Variants in MAP2K5 observed in about 807,000 individuals in gnomAD.
MAP2K5 encodes mitogen-activated protein kinase kinase 5.
Under a neutral mutation model 83.1 loss-of-function variants are expected in MAP2K5, and 49 were observed. The observed-to-expected ratio is 0.59, with a 90% CI of 0.47 to 0.75. MAP2K5 has a LOEUF of 0.75. Ranked by LOEUF, MAP2K5 falls within the 30% of genes least tolerant of loss-of-function variation. The pLI is 0.00. For synonymous variants in MAP2K5, 202 were observed against 191.8 expected (o/e 1.05, Z -0.44); for missense variants, 457 against 557.5 (o/e 0.82, Z 1.82).
intron 19 of MAP2K5, among the ~76,000 whole-genome samples, chr15:67,752,651 C>A (rs2089746355): frequency 6.7e-6 from 1 of 149,470 alleles, no homozygotes; most frequent in Non-Finnish European, 1.5e-5. Flanking sequence ...GCACTCCAGC[C>A]TGGGTGACAG....
intron 2 of MAP2K5, among the ~76,000 whole-genome samples, chr15:67,551,591 C>G (rs2084512054): frequency 6.6e-6 from 1 of 152,056 alleles, no homozygotes; most frequent in Non-Finnish European, 1.5e-5. Context: ...CCTTGACCTC[C>G]CTAAGTGTTG....
At chr15:67,803,801 G>A (rs185258856) in intron 21 of MAP2K5, among the ~76,000 whole-genome samples, 6 of 152,292 alleles carry the variant, frequency 3.9e-5, no homozygotes, top group African/African-American at 7.2e-5. Context: ...GGCCTGAGTC[G>A]CCAAGGTAGA....
chr15:67,789,904 T>C (rs1458520289), intron 21 of MAP2K5, among the ~76,000 whole-genome samples: 1 of 151,994 alleles, frequency 6.6e-6, no homozygotes, highest in African/African-American at 2.4e-5. Flanking sequence ...GTGAAGGGGG[T>C]GGACACAATT....
chr15:67,622,024 A>G (rs1255957353), intron 8 of MAP2K5, among the ~76,000 whole-genome samples: 1 of 152,048 alleles, frequency 6.6e-6, no homozygotes, highest in African/African-American at 2.4e-5. Context: ...CCTCTACTAA[A>G]AATACAAAAA....
intron 13 of MAP2K5, among the ~76,000 whole-genome samples, chr15:67,673,341 C>T (rs1368349882): frequency 6.6e-6 from 1 of 151,882 alleles, no homozygotes; most frequent in Non-Finnish European, 1.5e-5. Context: ...GGTAACAGTT[C>T]AAAATAGTGT....
At chr15:67,654,100 T>A (rs567996792) in intron 11 of MAP2K5, among the ~76,000 whole-genome samples, 9 of 152,294 alleles carry the variant, frequency 5.9e-5, no homozygotes, top group African/African-American at 2.2e-4. Flanking sequence ...CTGTATAGTT[T>A]TGTCCATTTT....
At chr15:67,631,486 C>T (rs67264405) in intron 9 of MAP2K5, among the ~76,000 whole-genome samples, 24,513 of 152,050 alleles carry the variant, frequency 0.16, 2,052 homozygotes, top group African/African-American at 0.19. Context: ...CAGATCTGAC[C>T]GTGTCTTGCT....
intron 8 of MAP2K5, among the ~76,000 whole-genome samples, chr15:67,616,788 C>T (rs558777606): frequency 1.3e-5 from 2 of 152,216 alleles, no homozygotes; most frequent in South Asian, 4.1e-4. Context: ...ATTTCTTGAG[C>T]CAAATCCTAA....
At chr15:67,564,095 A>G (rs1051338713) in intron 3 of MAP2K5, among the ~76,000 whole-genome samples, 1 of 152,054 alleles carries the variant, frequency 6.6e-6, no homozygotes, top group Non-Finnish European at 1.5e-5. Flanking sequence ...TGTTTACAAA[A>G]CCTTTTCCCG....
intron 12 of MAP2K5, among the ~76,000 whole-genome samples, 195 bp from the exon 13 acceptor site, chr15:67,664,402 G>C (rs1201043468): frequency 6.7e-6 from 1 of 150,102 alleles, no homozygotes; most frequent in East Asian, 2.0e-4. Flanking sequence ...TCAGGCAGCT[G>C]AGGTGGAAGG....
chr15:67,748,180 A>T lies in MAP2K5; in HGVS notation c.1075-51A>T, dbSNP rs1223402438. On this transcript the variant is annotated intron_variant, in intron 17 of 21. Coordinates refer to ENST00000178640, the MANE Select transcript of MAP2K5 (RefSeq NM_145160.3). The surrounding 1 kb of genome is among the most constrained non-coding windows in gnomAD (Gnocchi z 4.0). Reference sequence around the variant, plus strand: ...TTCTCTCAGTGATCATAATGTGTCCAAGTGAGTCATTTTGATTATGACATG... The same window carrying T: ...TTCTCTCAGTGATCATAATGTGTCCTAGTGAGTCATTTTGATTATGACATG... 1 of 1,364,442 alleles carries T rather than the reference A, an allele frequency of 7.3e-7. No homozygotes were observed. 84.5% of individuals were successfully genotyped at this position (1,364,442 alleles called of 1,614,324 possible).
rs1277250465 is a variant in MAP2K5 at position 67,720,602 on chromosome 15, T to C, written c.1045-7314T>C. On this transcript the variant is annotated intron_variant, in intron 16 of 21. Coordinates refer to ENST00000178640, the MANE Select transcript of MAP2K5 (RefSeq NM_145160.3). This position sits in a 1 kb window ranked among gnomAD's most constrained non-coding sequence, Gnocchi z 5.7. ...GTAGCAGGAGAATTAGACGTAAAGG[T>C]ACTAATGCCTGAGGGGTGGGTCATG... Among the ~76,000 whole-genome samples the C allele has an allele frequency of 2.6e-5, 4 of 152,146 alleles. No individual in the cohort carries two copies. The highest frequency in any genetic ancestry group is 9.7e-5 in the African/African-American group (4 of 41,414).
chr15:67,575,689 TG>T (rs1281985915), intron 3 of MAP2K5, among the ~76,000 whole-genome samples: 9 of 152,180 alleles, frequency 5.9e-5, no homozygotes, highest in Non-Finnish European at 1.3e-4. Flanking sequence ...GTAATTTTTT[TG>T]TTTGTTTGTT....
chr15:67,554,874 C>T (rs572026418), intron 2 of MAP2K5, among the ~76,000 whole-genome samples: 19 of 152,200 alleles, frequency 1.2e-4, no homozygotes, highest in Non-Finnish European at 1.9e-4. Flanking sequence ...GAGTAATTTG[C>T]GTTTTTGGAT....
chr15:67,544,302 C>T (rs2583589), intron 1 of MAP2K5, among the ~76,000 whole-genome samples: 25,309 of 152,092 alleles, frequency 0.17, 2,896 homozygotes, highest in African/African-American at 0.32. Context: ...GTTTCAGAGA[C>T]GGTAAAAGTA....
chr15:67,647,995 G>C (rs772317178), intron 11 of MAP2K5, among the ~76,000 whole-genome samples: 8 of 152,106 alleles, frequency 5.3e-5, no homozygotes, highest in Non-Finnish European at 1.0e-4. Context: ...AGCTGTGATC[G>C]TGCCACTGCA....
chr15:67,670,345 G>T, intron 13 of MAP2K5: 1 of 452,870 alleles, frequency 2.2e-6, no homozygotes, highest in Non-Finnish European at 4.4e-6. Flanking sequence ...AAGGCATGAA[G>T]GAACATTTTG....
rs2088608091 is a variant in MAP2K5, at chr15:67,708,298, A to G, written c.1044+4890A>G. The stretch of plus-strand genomic sequence containing the variant: ...TGATTGCACCACCACACTCCAGCCT[A>G]GTCAACAGAGCAAGATGCTGTCTTA... On this transcript the variant is annotated intron_variant, in intron 16 of 21. Transcript: ENST00000178640. The surrounding 1 kb of genome is among the most constrained non-coding windows in gnomAD (Gnocchi z 4.9). Among the ~76,000 whole-genome samples the G allele has an allele frequency of 6.6e-6, 1 of 151,910 alleles. No homozygotes were observed. Among genetic ancestry groups the G allele is most frequent in the South Asian group, 2.1e-4 (1 of 4,808 alleles).
chr15:67,618,871 A>G (rs1244443445), intron 8 of MAP2K5, among the ~76,000 whole-genome samples: 4 of 152,136 alleles, frequency 2.6e-5, no homozygotes, highest in African/African-American at 7.2e-5. Context: ...CCCAGTTTCT[A>G]TCCTTGCTTT....
Sources: gnomAD v4.1 joint callset for allele counts (sites outside exome capture counted in the v4.1 genomes callset) on GRCh38, gnomAD v4.1.1 for gene constraint, Gnocchi (gnomAD v3.1) non-coding constraint, MANE v1.5 for transcripts, NCBI Gene and HGNC (gene_info 2026-07-23, HGNC 2026-07-21) for gene names.